Variants in KLRC1 observed in about 807,000 individuals in gnomAD.
KLRC1 encodes the protein NKG2-A/NKG2-B type II integral membrane protein.
A neutral mutation model predicts 25.9 loss-of-function variants in KLRC1; 22 were observed. The ratio of observed to expected loss-of-function variants is 0.85; its 90% CI spans 0.61 to 1.21. The LOEUF is 1.21. Ranked by LOEUF, KLRC1 falls within the 50% of genes most tolerant of loss-of-function variation. The pLI, the probability that KLRC1 is intolerant of heterozygous loss-of-function variation, is 0.00. For missense variants in KLRC1, 240 were observed against 272.2 expected (o/e 0.88, Z 0.83); for synonymous variants, 77 against 93.1 (o/e 0.83, Z 0.99).
chr12:10,450,421 T>A (rs1001730956), intron 3 of KLRC1, 63 bp downstream of exon 3: 12 of 877,866 alleles, frequency 1.4e-5, no homozygotes, highest in Non-Finnish European at 2.3e-5. Context: ...ATATGAAATG[T>A]TTAGAGGCAC....
chr12:10,443,442 G>A (rs573275392), downstream of KLRC1, among the ~76,000 whole-genome samples: 1 of 135,350 alleles, frequency 7.4e-6, no homozygotes, highest in Non-Finnish European at 1.6e-5. Flanking sequence ...AATTGAGGAA[G>A]CATGCTTCAT....
In KLRC1 at chr12:10,447,586, C is replaced by T. The variant is rs1415053226; in HGVS notation, c.536G>A (p.Arg179His). ...ISPSSWIGVF[R>H]NSSHHPWVTM... Reference sequence around the variant, plus strand: ...CACCCATGGATGATGACTGCTGTTACGAAACACACCAATCCATGAGGATGG... The same window carrying T: ...CACCCATGGATGATGACTGCTGTTATGAAACACACCAATCCATGAGGATGG... The change falls in exon 6 of 7, where the codon CGT becomes CAT. Residue 179 changes from arginine (R) to histidine (H), a missense_variant. Transcript: ENST00000359151. The T allele has an allele frequency of 1.4e-5, 23 of 1,609,388 alleles. No individual in the cohort carries two copies. The highest frequency in any genetic ancestry group is 1.7e-5 in the Non-Finnish European group (20 of 1,177,714).
Position 10,450,479 on chromosome 12 carries a change from CT to C in KLRC1, c.283+4del. ...TCCCCTTGTAATCTTCGAAAATAGACTTACAGGGAATAACAACTATCGTTAC... is the reference window on the plus strand; with the variant it reads ...TCCCCTTGTAATCTTCGAAAATAGACTACAGGGAATAACAACTATCGTTAC... On this transcript the variant is annotated splice_donor_region_variant and intron_variant, in intron 3 of 6. Transcript: ENST00000359151. 1 of 1,532,918 alleles carries C rather than the reference CT, an allele frequency of 6.5e-7. No individual in the cohort carries two copies. The highest frequency in any genetic ancestry group is 9.0e-7 in the Non-Finnish European group (1 of 1,109,148). 95.0% of individuals were successfully genotyped at this position (1,532,918 alleles called of 1,614,324 possible).
At chr12:10,449,729 A>T (rs1362101578) in intron 4 of KLRC1, among the ~76,000 whole-genome samples, 185 bp downstream of exon 4, 1 of 152,186 alleles carries the variant, frequency 6.6e-6, no homozygotes, top group Non-Finnish European at 1.5e-5. Context: ...TGAACACAAC[A>T]GATAAAAAGA....
At chr12:10,453,894 T>C (rs2137902932), upstream of KLRC1, among the ~76,000 whole-genome samples, 1 of 152,312 alleles carries the variant, frequency 6.6e-6, no homozygotes, top group Admixed American at 6.5e-5. Context: ...AAATAGATTA[T>C]TTAATCTTCA....
chr12:10,450,733 T>C (rs1043229398), intron 2 of KLRC1, among the ~76,000 whole-genome samples, 154 bp from the exon 3 acceptor site: 2 of 152,186 alleles, frequency 1.3e-5, no homozygotes, highest in Non-Finnish European at 2.9e-5. Flanking sequence ...CTCAGAATAA[T>C]ATACCATTGA....
At chr12:10,444,167 A>T (rs1260106716), downstream of KLRC1, among the ~76,000 whole-genome samples, 4 of 141,146 alleles carry the variant, frequency 2.8e-5, 2 homozygotes, top group Non-Finnish European at 6.2e-5. Context: ...CCTAAAAATT[A>T]AATAACCATT....
downstream of KLRC1, among the ~76,000 whole-genome samples, chr12:10,443,826 T>G (rs1465551427): frequency 3.6e-5 from 5 of 140,126 alleles, 1 homozygote; most frequent in Non-Finnish European, 7.7e-5. Context: ...AAAAAATAGC[T>G]ATTCTAATTC....
At chr12:10,447,211 AT>A (rs200612886) in intron 6 of KLRC1, 165 of 205,870 alleles carry the variant, frequency 8.0e-4, no homozygotes, top group East Asian at 3.4e-3. Flanking sequence ...ACATTCTGTG[AT>A]TTTTTTTTTC....
Position 10,446,612 on chromosome 12 carries a change from T to C in KLRC1, c.641A>G (p.Asn214Ser). ...TCCACACTGGGCTGATTTAAGTCGA[T>C]TTACTTGTAGCACTGCACAGTTAAG... ...AELNCAVLQV[N>S]RLKSAQCGSS... Residue 214 changes from asparagine (N) to serine (S), a missense_variant, in exon 7 of 7, where the codon AAT (asparagine) becomes AGT (serine). Asn to Ser is a conservative substitution (Grantham distance 46). Transcript: ENST00000359151. The C allele has an allele frequency of 6.2e-7, 1 of 1,614,002 alleles. No individual in the cohort carries two copies. Among genetic ancestry groups the C allele is most frequent in the Non-Finnish European group, 8.5e-7 (1 of 1,179,922 alleles).
At chr12:10,446,718 C>G in intron 6 of KLRC1, 56 bp from the exon 7 acceptor site, 1 of 1,603,906 alleles carries the variant, frequency 6.2e-7, no homozygotes, top group Non-Finnish European at 8.5e-7. Context: ...ATTCATGAGA[C>G]GAAAGCATTT....
intron 1 of KLRC1, among the ~76,000 whole-genome samples, chr12:10,452,326 A>G (rs1864142292): frequency 6.6e-6 from 1 of 152,188 alleles, no homozygotes; most frequent in Admixed American, 6.5e-5. Flanking sequence ...TTGTATAAGT[A>G]CTTGTAAAAT....
At chr12:10,449,805 A>C in intron 4 of KLRC1, 109 bp downstream of exon 4, 1 of 860,940 alleles carries the variant, frequency 1.2e-6, no homozygotes, top group Non-Finnish European at 1.6e-6. Flanking sequence ...ATTTATGAAC[A>C]CTTATTGCCA....
chr12:10,451,306 G>C lies in KLRC1; in HGVS notation c.-31-119C>G, dbSNP rs940390074. 5 of 508,966 alleles carry C rather than the reference G, an allele frequency of 9.8e-6. No individual in the cohort carries two copies. In the Admixed American group the frequency reaches 1.3e-4, roughly 13 times the overall value. The allele number at this position is 508,966 out of a possible 1,614,324, so 31.5% of individuals were successfully genotyped here. A position where few individuals can be genotyped will look rare whatever the true frequency, so the allele number is the denominator to read the frequency against. ...CTCATTTTGCATTAAATAATCTAAA[G>C]TTCTTTCTCTGATTTTCTTCAAGCC... On this transcript the variant is annotated intron_variant, in intron 1 of 6. Transcript: ENST00000359151.
intron 6 of KLRC1, chr12:10,447,279 C>T (rs1864007912): frequency 6.1e-6 from 2 of 328,228 alleles, no homozygotes; most frequent in East Asian, 5.1e-5. Flanking sequence ...TGGCCCAAGA[C>T]TCTTCTTCTT....
chr12:10,453,119 C>T (rs1039780978), intron 1 of KLRC1, 79 bp downstream of exon 1: 4 of 527,732 alleles, frequency 7.6e-6, no homozygotes, highest in Admixed American at 6.4e-5. Context: ...ATTATACCTC[C>T]TTTGTATCAT....
At chr12:10,452,060 A>G (rs1864137979) in intron 1 of KLRC1, among the ~76,000 whole-genome samples, 1 of 151,870 alleles carries the variant, frequency 6.6e-6, no homozygotes, top group South Asian at 2.1e-4. Flanking sequence ...AAAAAATTAA[A>G]TATTTGTATA....
intron 5 of KLRC1, 58 bp from the exon 6 acceptor site, chr12:10,447,690 A>T (rs1243305080): frequency 7.2e-7 from 1 of 1,385,420 alleles, no homozygotes; most frequent in Non-Finnish European, 9.8e-7. Flanking sequence ...TTACAAAAAC[A>T]ATATATTAAA....
At chr12:10,447,421 T>C in intron 6 of KLRC1, 111 bp downstream of exon 6, 1 of 976,572 alleles carries the variant, frequency 1.0e-6, no homozygotes, top group South Asian at 1.9e-5. Flanking sequence ...TTTCACTAAC[T>C]TTCCACATCT....
Sources: gnomAD v4.1 joint callset for allele counts (sites outside exome capture counted in the v4.1 genomes callset) on GRCh38, gnomAD v4.1.1 for gene constraint, MANE v1.5 for transcripts, NCBI Gene and HGNC (gene_info 2026-07-23, HGNC 2026-07-21) for gene names.